DCDC1: variants seen among roughly 807,000 people sequenced by gnomAD.
DCDC1 encodes doublecortin domain-containing protein 1.
A neutral mutation model predicts 178.3 loss-of-function variants in DCDC1; 200 were observed. That is an observed-to-expected ratio of 1.12 (90% CI 1.00 to 1.26). DCDC1 has a LOEUF of 1.26. Among genes scored for constraint, DCDC1 ranks in the 50% most tolerant of loss-of-function variants. The probability of loss-of-function intolerance (pLI) is 0.00; values close to 1 mark genes in which losing one functional copy is unlikely to be tolerated. For missense variants in DCDC1, 1,983 were observed against 1,749.2 expected (o/e 1.13, Z -2.38); for synonymous variants, 690 against 604.8 (o/e 1.14, Z -2.07).
chr11:31,223,437 C>A (rs1974521886), intron 9 of DCDC1, among the ~76,000 whole-genome samples: 1 of 152,098 alleles, frequency 6.6e-6, no homozygotes, highest in Non-Finnish European at 1.5e-5. Flanking sequence ...TGTAAACAGA[C>A]AATAGCCCAC....
chr11:31,172,282 TTTAGTC>T (rs1351524152), intron 9 of DCDC1, among the ~76,000 whole-genome samples: 1 of 152,112 alleles, frequency 6.6e-6, no homozygotes, highest in African/African-American at 2.4e-5. Flanking sequence ...AATTATCAGA[TTTAGTC>T]TAAGAATTCT....
intron 1 of DCDC1, among the ~76,000 whole-genome samples, chr11:31,363,143 G>A (rs1951792987): frequency 1.3e-5 from 2 of 151,888 alleles, no homozygotes; most frequent in Non-Finnish European, 2.9e-5. Flanking sequence ...TAAACTGTGT[G>A]TAATTATATA....
At chr11:31,021,863 A>G (rs1477031605) in intron 20 of DCDC1, among the ~76,000 whole-genome samples, 1 of 152,136 alleles carries the variant, frequency 6.6e-6, no homozygotes, top group Non-Finnish European at 1.5e-5. Context: ...GTAATAGGAA[A>G]CCCTTATTAT....
At chr11:30,954,114 C>T (rs975873366) in intron 20 of DCDC1, among the ~76,000 whole-genome samples, 6 of 146,552 alleles carry the variant, frequency 4.1e-5, no homozygotes, top group Non-Finnish European at 7.4e-5. Flanking sequence ...CTCCCGGGTT[C>T]ACGCCATTCT....
intron 4 of DCDC1, among the ~76,000 whole-genome samples, chr11:31,306,592 AAC>A (rs1399842273): frequency 3.3e-5 from 5 of 152,156 alleles, no homozygotes; most frequent in African/African-American, 9.6e-5. Context: ...AAAAATTTAA[AAC>A]ACAGTGTTTG....
intron 20 of DCDC1, among the ~76,000 whole-genome samples, chr11:31,057,366 A>C (rs889969604): frequency 1.3e-5 from 2 of 152,134 alleles, no homozygotes; most frequent in Non-Finnish European, 2.9e-5. Flanking sequence ...ATCAAATCAA[A>C]AATGTTTTCC....
At chr11:31,068,890 A>T (rs912172453) in intron 18 of DCDC1, among the ~76,000 whole-genome samples, 2 of 150,760 alleles carry the variant, frequency 1.3e-5, no homozygotes, top group Admixed American at 1.3e-4. Context: ...CTCGCTCTGT[A>T]GCCCATGCTG....
intron 20 of DCDC1, among the ~76,000 whole-genome samples, chr11:31,013,889 G>A (rs1466082349): frequency 6.6e-6 from 1 of 152,196 alleles, no homozygotes; most frequent in East Asian, 1.9e-4. Context: ...TGGTTTGAAT[G>A]ACACAAGAAA....
chr11:31,364,697 T>C (rs955858592), intron 1 of DCDC1, among the ~76,000 whole-genome samples: 1 of 152,182 alleles, frequency 6.6e-6, no homozygotes, highest in Admixed American at 6.5e-5. Context: ...ATGATGACTA[T>C]TGTCAAAATG....
At chr11:30,875,035 T>C (rs1941987845) in intron 38 of DCDC1, among the ~76,000 whole-genome samples, 2 of 152,186 alleles carry the variant, frequency 1.3e-5, no homozygotes, top group Non-Finnish European at 2.9e-5. Context: ...CTCTCTCATA[T>C]ATTTCTATTT....
chr11:30,990,084 T>A (rs1056876698), intron 20 of DCDC1, among the ~76,000 whole-genome samples: 3 of 152,072 alleles, frequency 2.0e-5, no homozygotes, highest in African/African-American at 7.2e-5. Flanking sequence ...AAGACGCTTT[T>A]TCAAGAGACA....
chr11:31,018,471 C>A (rs1017449252), intron 20 of DCDC1, among the ~76,000 whole-genome samples: 3 of 152,292 alleles, frequency 2.0e-5, no homozygotes, highest in Non-Finnish European at 2.9e-5. Flanking sequence ...ATGCCCTATG[C>A]TCCTCACAGG....
intron 9 of DCDC1, among the ~76,000 whole-genome samples, chr11:31,209,987 C>T (rs2774406): frequency 0.69 from 105,633 of 152,020 alleles, 37,714 homozygotes; most frequent in East Asian, 0.96. Context: ...AGTCATTTCT[C>T]CCTCCTTTCA....
At chr11:30,876,229 T>C (rs910349756) in intron 38 of DCDC1, among the ~76,000 whole-genome samples, 1 of 152,212 alleles carries the variant, frequency 6.6e-6, no homozygotes, top group African/African-American at 2.4e-5. Flanking sequence ...CTTACATATA[T>C]GAGGCTGATT....
chr11:31,020,644 C>T (rs1362491163), intron 20 of DCDC1, among the ~76,000 whole-genome samples: 1 of 151,868 alleles, frequency 6.6e-6, no homozygotes, highest in Non-Finnish European at 1.5e-5. Context: ...ACTGTGTTGA[C>T]CAGGTTGGTT....
chr11:31,290,124 A>G (rs1386156636), intron 7 of DCDC1, among the ~76,000 whole-genome samples: 1 of 151,952 alleles, frequency 6.6e-6, no homozygotes, highest in African/African-American at 2.4e-5. Flanking sequence ...CTGTTTTTTA[A>G]AGTTTGCTTG....
intron 6 of DCDC1, among the ~76,000 whole-genome samples, chr11:31,299,774 C>G: frequency 6.6e-6 from 1 of 152,156 alleles, no homozygotes; most frequent in South Asian, 2.1e-4. Flanking sequence ...AGAAAAATAA[C>G]ATTTCAGGTA....
rs186251367 is a variant in DCDC1, at chr11:31,338,027, A to G, written c.-124-2463T>C. On this transcript the variant is annotated intron_variant, in intron 1 of 38. Transcript: ENST00000684477. ...AGGCTGCAGATCTGTTCAGCACTCC[A>G]GAACAGCAAATTCTCCATTGACCAC... Among the ~76,000 whole-genome samples the G allele has an allele frequency of 4.7e-4, 72 of 152,312 alleles. 1 individual carries two copies. The highest frequency in any genetic ancestry group is 8.2e-4 in the Non-Finnish European group (56 of 68,026).
At chr11:31,206,626 GCTGCACTTGAA>G (rs1415175903) in intron 9 of DCDC1, among the ~76,000 whole-genome samples, 1 of 152,068 alleles carries the variant, frequency 6.6e-6, no homozygotes, top group African/African-American at 2.4e-5. Flanking sequence ...TGTTGGCCAG[GCTGCACTTGAA>G]CTCCTGACCT....
Sources: allele counts gnomAD v4.1 joint callset (sites outside exome capture counted in the v4.1 genomes callset), GRCh38; gene constraint gnomAD v4.1.1; transcripts MANE v1.5; gene names NCBI Gene and HGNC (gene_info 2026-07-23, HGNC 2026-07-21).